PPP2R5A: variants seen among roughly 807,000 people sequenced by gnomAD.
The protein encoded by PPP2R5A is protein phosphatase 2 regulatory subunit B'alpha.
In PPP2R5A, 25 loss-of-function variants were observed where a neutral mutation model predicts 64.2. That is an observed-to-expected ratio of 0.39 (90% CI 0.28 to 0.54). The LOEUF (loss-of-function observed/expected upper bound fraction) is 0.54, where lower values mean the gene tolerates loss of function less well. Among genes scored for constraint, PPP2R5A ranks in the 20% least tolerant of loss-of-function variants. The pLI is 0.67. For synonymous variants in PPP2R5A, 198 were observed against 201.2 expected (o/e 0.98, Z 0.13); for missense variants, 425 against 576.3 (o/e 0.74, Z 2.69).
rs1558137584 is a variant in PPP2R5A at position 212,292,485 on chromosome 1, T to TC, written c.181+6194_181+6195insC. On this transcript the variant is annotated intron_variant, in intron 1 of 12. Coordinates refer to ENST00000261461, the MANE Select transcript of PPP2R5A (RefSeq NM_006243.4). ...AAGAAATTATATGTTGGTTGTCTTA[T>TC]AGTCACTCCTTCCCCTTTAGATTGT... Among the ~76,000 whole-genome samples the TC allele has an allele frequency of 1.1e-4, 17 of 151,990 alleles. No homozygotes were observed. In the South Asian group the frequency reaches 2.5e-3, roughly 22 times the overall value.
In PPP2R5A at chr1:212,295,375, A is replaced by AG. The variant is rs1346228683; in HGVS notation, c.181+9085dup. On this transcript the variant is annotated intron_variant, in intron 1 of 12. Transcript: ENST00000261461. ...AAAAGACATTAGATTTGGGAGGAGA[A>AG]GATAATGGTTCTTTGTTGGACAGGT... Among the ~76,000 whole-genome samples the AG allele has an allele frequency of 2.6e-5, 4 of 152,340 alleles. No homozygotes were observed. In the East Asian group the frequency reaches 7.7e-4, roughly 29 times the overall value.
intron 1 of PPP2R5A, among the ~76,000 whole-genome samples, chr1:212,320,657 CGG>C (rs1659259708): frequency 1.7e-5 from 2 of 115,400 alleles, no homozygotes. Flanking sequence ...GCCTCCCTCC[CGG>C]ATGGGGCGGC....
chr1:212,329,172 G>T lies in PPP2R5A; in HGVS notation c.219G>T (p.Gln73His). 6.4e-7 allele frequency: 1 copy of T among 1,558,052 alleles called. No individual in the cohort carries two copies. Among genetic ancestry groups the T allele is most frequent in the Non-Finnish European group, 8.7e-7 (1 of 1,154,354 alleles). ...TSNEQQELFC[Q>H]KLQQCCILFD... is the part of the protein sequence containing the mutation. Reference sequence around the variant, plus strand: ...ATGAACAACAAGAGCTTTTCTGTCAGAAGTTGCAGCAGTGTTGTATACTGT... The same window carrying T: ...ATGAACAACAAGAGCTTTTCTGTCATAAGTTGCAGCAGTGTTGTATACTGT... The change falls in exon 2 of 13, where the codon CAG (glutamine) becomes CAT (histidine). Residue 73 changes from glutamine (Q) to histidine (H), a missense_variant. Gln to His is a conservative substitution (Grantham distance 24). Around this residue, in one of 4 missense-constraint regions of PPP2R5A, gnomAD observed 104 missense variants for 95.7 expected, o/e 1.09. Transcript: ENST00000261461.
chr1:212,290,187 T>C (rs1658575600), intron 1 of PPP2R5A, among the ~76,000 whole-genome samples: 1 of 152,228 alleles, frequency 6.6e-6, no homozygotes, highest in Admixed American at 6.5e-5. Flanking sequence ...ATAGTGGTGT[T>C]GATTGCAGTG....
chr1:212,314,916 A>C (rs1181014225), intron 1 of PPP2R5A, among the ~76,000 whole-genome samples: 2 of 151,880 alleles, frequency 1.3e-5, no homozygotes, highest in African/African-American at 2.4e-5. Context: ...TGTGTTGCCC[A>C]AGTTGGTCTT....
In PPP2R5A at chr1:212,352,150, A is replaced by G. The variant is rs573387044; in HGVS notation, c.927+2908A>G. Among the ~76,000 whole-genome samples the G allele has an allele frequency of 3.4e-4, 51 of 151,390 alleles. No individual in the cohort carries two copies. In the East Asian group the frequency reaches 9.5e-3, roughly 28 times the overall value. Reference sequence around the variant, plus strand: ...GCAATTCTTGTTCCTTAGCCTCCTGAGTAGCTGAGATAACAGGCGCCCGAT... The same window carrying G: ...GCAATTCTTGTTCCTTAGCCTCCTGGGTAGCTGAGATAACAGGCGCCCGAT... On this transcript the variant is annotated intron_variant, in intron 8 of 12. Coordinates refer to ENST00000261461, the MANE Select transcript of PPP2R5A (RefSeq NM_006243.4).
chr1:212,319,993 G>C (rs1414982728), intron 1 of PPP2R5A, among the ~76,000 whole-genome samples: 1 of 135,980 alleles, frequency 7.4e-6, no homozygotes, highest in Non-Finnish European at 1.5e-5. Context: ...GGTGTTTCTC[G>C]CAGAGGGGGA....
At chr1:212,328,503 C>G (rs969577972) in intron 1 of PPP2R5A, among the ~76,000 whole-genome samples, 2 of 152,142 alleles carry the variant, frequency 1.3e-5, no homozygotes, top group African/African-American at 4.8e-5. Flanking sequence ...TGAGAGATGA[C>G]TCTTGACAGT....
At chr1:212,319,446 G>GA (rs1659219646) in intron 1 of PPP2R5A, 1 of 152,144 alleles carries the variant, frequency 6.6e-6, no homozygotes, top group Non-Finnish European at 1.5e-5. Context: ...AGTGAGAATG[G>GA]CAAATGGATA....
chr1:212,325,925 A>G (rs966616654), intron 1 of PPP2R5A, among the ~76,000 whole-genome samples: 77 of 152,336 alleles, frequency 5.1e-4, no homozygotes, highest in African/African-American at 1.8e-3. Flanking sequence ...GAAATAAATT[A>G]TTAGCAGACA....
chr1:212,341,450 C>A (rs1464513199), intron 3 of PPP2R5A, among the ~76,000 whole-genome samples: 1 of 152,092 alleles, frequency 6.6e-6, no homozygotes, highest in Admixed American at 6.5e-5. Context: ...GATACACTGC[C>A]TGTTTTATCT....
chr1:212,338,186 G>A (rs568973029), intron 3 of PPP2R5A, among the ~76,000 whole-genome samples: 4 of 152,148 alleles, frequency 2.6e-5, no homozygotes, highest in African/African-American at 2.4e-5. Flanking sequence ...TAATGGTGAA[G>A]ACCAGAATTC....
intron 8 of PPP2R5A, among the ~76,000 whole-genome samples, chr1:212,351,102 C>CAAA (rs58625826): frequency 9.6e-6 from 1 of 103,728 alleles, no homozygotes; most frequent in Non-Finnish European, 2.6e-5. Flanking sequence ...CGAGATGACA[C>CAAA]AAAAAAAAAA....
In PPP2R5A at chr1:212,291,118, T is replaced by G. The variant is rs534806069; in HGVS notation, c.181+4827T>G. On this transcript the variant is annotated intron_variant, in intron 1 of 12. Coordinates refer to ENST00000261461, the MANE Select transcript of PPP2R5A (RefSeq NM_006243.4). ...AGAGGTCATTTATTTTATTTTATTT[T>G]ATTTTTTTTCAGACTGAGTCTCGCT... Among the ~76,000 whole-genome samples the G allele has an allele frequency of 4.6e-5, 7 of 151,618 alleles. No individual in the cohort carries two copies. The East Asian group carries it at 1.4e-3, about 29-fold the overall frequency.
At chr1:212,293,875 G>A (rs1658646590) in intron 1 of PPP2R5A, among the ~76,000 whole-genome samples, 1 of 152,064 alleles carries the variant, frequency 6.6e-6, no homozygotes, top group South Asian at 2.1e-4. Flanking sequence ...TTCTGGTTTA[G>A]CCTCTGTTGG....
chr1:212,335,931 GTT>G (rs1159535503), intron 3 of PPP2R5A, among the ~76,000 whole-genome samples: 2 of 152,140 alleles, frequency 1.3e-5, no homozygotes, highest in African/African-American at 4.8e-5. Flanking sequence ...TAAAGAAAGT[GTT>G]TTCATTAGAA....
At chr1:212,340,048 C>G (rs1028991452) in intron 3 of PPP2R5A, among the ~76,000 whole-genome samples, 1 of 145,234 alleles carries the variant, frequency 6.9e-6, no homozygotes. Context: ...CTTACCAGCA[C>G]GTTAGGATGC....
At chr1:212,293,850 G>A (rs533878103) in intron 1 of PPP2R5A, among the ~76,000 whole-genome samples, 9 of 152,146 alleles carry the variant, frequency 5.9e-5, no homozygotes, top group African/African-American at 2.2e-4. Context: ...GTGCTGAATG[G>A]GATCTCAGAA....
At chr1:212,328,584 A>C (rs139594746) in intron 1 of PPP2R5A, among the ~76,000 whole-genome samples, 3 of 152,318 alleles carry the variant, frequency 2.0e-5, no homozygotes, top group Non-Finnish European at 2.9e-5. Flanking sequence ...GTATCATTGA[A>C]AAACATGGAA....
Sources: allele counts gnomAD v4.1 joint callset (sites outside exome capture counted in the v4.1 genomes callset), GRCh38; gene constraint gnomAD v4.1.1; regional missense constraint gnomAD v4.1.1; transcripts MANE v1.5; gene names NCBI Gene and HGNC (gene_info 2026-07-23, HGNC 2026-07-21).